Variants in NRG1 observed in about 807,000 individuals in gnomAD.
The protein encoded by NRG1 is pro-neuregulin-1, membrane-bound isoform.
NRG1 carries 18 observed loss-of-function variants against 63.8 expected under a neutral mutation model. That is an observed-to-expected ratio of 0.28 (90% CI 0.19 to 0.42). The LOEUF is 0.42. Among genes scored for constraint, NRG1 ranks in the 10% least tolerant of loss-of-function variants. The pLI, the probability that NRG1 is intolerant of heterozygous loss-of-function variation, is 1.00. For synonymous variants in NRG1, 302 were observed against 301.3 expected, an observed-to-expected ratio of 1.00 and a Z score of -0.02; for missense variants, 762 against 814.7, an observed-to-expected ratio of 0.94 and a Z score of 0.79.
intron 1 of NRG1, among the ~76,000 whole-genome samples, chr8:31,926,783 G>A (rs16878462): frequency 0.011 from 1,718 of 152,094 alleles, 27 homozygotes; most frequent in African/African-American, 0.039. Flanking sequence ...GGGGAAAATG[G>A]CCAAGAAGAA....
At position 31,723,467 on chromosome 8, in the gene NRG1, G is replaced by A. The variant is rs144657473; in HGVS notation, c.37+84036G>A. Among the ~76,000 whole-genome samples the A allele has an allele frequency of 2.7e-3, 409 of 151,852 alleles. 3 individuals carry two copies. The highest frequency in any genetic ancestry group is 9.2e-3 in the African/African-American group (382 of 41,398). ...CCTCTTTTCTCTTTTCCTTCTTTTC[G>A]AGATGGAGTCTTATTATGTTGTCCA... On this transcript the variant is annotated intron_variant, in intron 1 of 10. Coordinates refer to the NRG1 transcript ENST00000519301.
intron 5 of NRG1, chr8:32,648,272 G>A (rs768891656): frequency 1.9e-6 from 3 of 1,613,938 alleles, no homozygotes; most frequent in African/African-American, 1.3e-5. Context: ...CTTTCTTGCC[G>A]TCCACTGCGC....
chr8:32,663,454 A>G (rs537235459), intron 5 of NRG1, among the ~76,000 whole-genome samples: 2 of 152,140 alleles, frequency 1.3e-5, no homozygotes, highest in South Asian at 4.2e-4. Context: ...TATAAGCTCT[A>G]AGACTTTGAA....
At chr8:32,547,590 AACAC>A (rs33943729), upstream of NRG1, among the ~76,000 whole-genome samples, 3,630 of 148,422 alleles carry the variant, frequency 0.024, 54 homozygotes, top group African/African-American at 0.041. Flanking sequence ...GCACTTACTA[AACAC>A]ACACACACAC....
At chr8:31,660,055 T>G (rs2130930974) in intron 1 of NRG1, among the ~76,000 whole-genome samples, 1 of 152,344 alleles carries the variant, frequency 6.6e-6, no homozygotes. Context: ...AAGCTGGAAT[T>G]CAGAACCAAG....
At chr8:32,230,177 A>G (rs1846769588) in intron 1 of NRG1, among the ~76,000 whole-genome samples, 1 of 152,204 alleles carries the variant, frequency 6.6e-6, no homozygotes, top group Non-Finnish European at 1.5e-5. Flanking sequence ...TACCTATACT[A>G]AGAGCACGAA....
intron 1 of NRG1, among the ~76,000 whole-genome samples, chr8:31,668,291 C>T (rs989161096): frequency 1.3e-5 from 2 of 152,166 alleles, no homozygotes; most frequent in African/African-American, 4.8e-5. Flanking sequence ...TTTATGTCTG[C>T]TCAGTGGCTG....
At chr8:32,245,865 C>G (rs762555257) in intron 1 of NRG1, among the ~76,000 whole-genome samples, 2 of 152,124 alleles carry the variant, frequency 1.3e-5, no homozygotes, top group Non-Finnish European at 2.9e-5. Context: ...AACAGATTTA[C>G]CTACAGTATC....
chr8:31,738,795 G>A (rs568805612), intron 1 of NRG1, among the ~76,000 whole-genome samples: 72 of 152,110 alleles, frequency 4.7e-4, no homozygotes, highest in Non-Finnish European at 9.1e-4. Context: ...TCTGTCATTC[G>A]ATGGTGTCTC....
At chr8:31,762,503 CAT>C (rs1349625961) in intron 1 of NRG1, among the ~76,000 whole-genome samples, 2 of 152,170 alleles carry the variant, frequency 1.3e-5, no homozygotes, top group Non-Finnish European at 2.9e-5. Flanking sequence ...CTGCAATAAA[CAT>C]ATGTGTGCAT....
intron 1 of NRG1, among the ~76,000 whole-genome samples, chr8:32,023,085 A>G (rs555877643): frequency 1.3e-5 from 2 of 152,360 alleles, no homozygotes; most frequent in South Asian, 2.1e-4. Flanking sequence ...ATTCATAATC[A>G]TGTATATCAA....
chr8:32,538,832 T>C (rs890908668), intron 1 of NRG1, among the ~76,000 whole-genome samples: 1 of 152,222 alleles, frequency 6.6e-6, no homozygotes, highest in African/African-American at 2.4e-5. Context: ...TGAGGCATCA[T>C]TACTGCATGG....
At chr8:32,143,265 CAT>C (rs1836494181) in intron 1 of NRG1, among the ~76,000 whole-genome samples, 1 of 151,922 alleles carries the variant, frequency 6.6e-6, no homozygotes. Context: ...AAATAATTCA[CAT>C]GTGCTAATAT....
intron 1 of NRG1, among the ~76,000 whole-genome samples, chr8:32,087,152 A>G (rs62498869): frequency 6.6e-6 from 1 of 152,190 alleles, no homozygotes; most frequent in Non-Finnish European, 1.5e-5. Flanking sequence ...TCCAAATCGC[A>G]TGTAGAAACA....
chr8:31,643,301 C>A (rs999016352), intron 1 of NRG1, among the ~76,000 whole-genome samples: 2 of 152,150 alleles, frequency 1.3e-5, no homozygotes, highest in Non-Finnish European at 2.9e-5. Context: ...AGGAATAGAG[C>A]AAAGTCATTT....
chr8:32,462,075 C>A (rs887171011), intron 1 of NRG1, among the ~76,000 whole-genome samples: 1 of 152,108 alleles, frequency 6.6e-6, no homozygotes, highest in African/African-American at 2.4e-5. Context: ...AGAGATGAAT[C>A]TCTAAATTTA....
chr8:32,175,022 T>C (rs902329053), intron 1 of NRG1, among the ~76,000 whole-genome samples: 2 of 151,898 alleles, frequency 1.3e-5, no homozygotes, highest in African/African-American at 4.8e-5. Flanking sequence ...GGCAGAGACA[T>C]AACAAATAAA....
rs920001258 is a variant in NRG1 at position 32,132,950 on chromosome 8, TCTTCCTTC to T, written c.38-462866_38-462859del. Among the ~76,000 whole-genome samples, 5 of 151,994 alleles carry T rather than the reference TCTTCCTTC, an allele frequency of 3.3e-5. No homozygotes were observed. The South Asian group carries it at 6.2e-4, about 19-fold the overall frequency. On this transcript the variant is annotated intron_variant, in intron 1 of 10. Coordinates refer to the NRG1 transcript ENST00000519301. ...CACTTTTGGGGAAGAAATTGGCCAG[TCTTCCTTC>T]CTTCCTTCCTTTCTTCCTTTCTTCT... is the stretch of plus-strand genomic sequence containing the variant.
intron 1 of NRG1, among the ~76,000 whole-genome samples, chr8:31,944,144 C>G (rs1189172041): frequency 3.3e-5 from 5 of 152,106 alleles, no homozygotes; most frequent in African/African-American, 1.2e-4. Flanking sequence ...AATTCTGTCT[C>G]TTTAGCCTAG....
Sources: allele counts gnomAD v4.1 joint callset (sites outside exome capture counted in the v4.1 genomes callset), GRCh38; gene constraint gnomAD v4.1.1; transcripts MANE v1.5; gene names NCBI Gene and HGNC (gene_info 2026-07-23, HGNC 2026-07-21).